The following DPP10 variants were observed in gnomAD, a reference collection of about 807,000 sequenced individuals.
DPP10 encodes dipeptidyl peptidase like 10, also known as inactive dipeptidyl peptidase 10.
In DPP10, 33 loss-of-function variants were observed where a neutral mutation model predicts 120.9. That is an observed-to-expected ratio of 0.27 (90% CI 0.21 to 0.37). The LOEUF (loss-of-function observed/expected upper bound fraction) is 0.37. Among genes scored for constraint, DPP10 ranks in the 10% least tolerant of loss-of-function variants. The pLI is 1.00. For synonymous variants in DPP10, 337 were observed against 326.1 expected, an observed-to-expected ratio of 1.03 and a Z score of -0.36; for missense variants, 816 against 942.8, an observed-to-expected ratio of 0.87 and a Z score of 1.76.
rs530278744 is a variant in DPP10, at chr2:115,246,352, A to G, written c.61-62887A>G. ...GAGCTTTCCACCAATGGAATTACCT[A>G]GGTGCTCTGGTACATGAAGACAAAC... On this transcript the variant is annotated intron_variant, in intron 1 of 25. Transcript: ENST00000410059. Among the ~76,000 whole-genome samples the G allele has an allele frequency of 7.2e-5, 11 of 152,274 alleles. No homozygotes were observed. The South Asian group carries it at 2.3e-3, about 32-fold the overall frequency.
At chr2:114,778,067 G>C (rs1257880587) in intron 1 of DPP10, among the ~76,000 whole-genome samples, 1 of 151,996 alleles carries the variant, frequency 6.6e-6, no homozygotes, top group Admixed American at 6.6e-5. Flanking sequence ...TCTTAAACAT[G>C]TCCAAGAAAG....
At chr2:115,681,262 A>G (rs193051155) in intron 5 of DPP10, among the ~76,000 whole-genome samples, 2 of 152,010 alleles carry the variant, frequency 1.3e-5, no homozygotes, top group East Asian at 1.9e-4. Flanking sequence ...AGAGTTTTTT[A>G]TGGTATATGG....
chr2:114,693,533 G>A (rs1314540717), intron 1 of DPP10, among the ~76,000 whole-genome samples: 3 of 151,740 alleles, frequency 2.0e-5, no homozygotes, highest in Non-Finnish European at 4.4e-5. Flanking sequence ...TTTCGATTTT[G>A]GAGAATCTGA....
At chr2:115,796,329 T>G (rs1382315339) in intron 19 of DPP10, among the ~76,000 whole-genome samples, 2 of 152,150 alleles carry the variant, frequency 1.3e-5, no homozygotes, top group African/African-American at 2.4e-5. Flanking sequence ...ATTACAACAT[T>G]TACTTTGCTT....
chr2:114,653,569 C>T (rs1340304271), intron 1 of DPP10, among the ~76,000 whole-genome samples: 2 of 152,122 alleles, frequency 1.3e-5, no homozygotes, highest in Non-Finnish European at 2.9e-5. Context: ...CCAGGCCCTC[C>T]TAAAAGTCAT....
At position 115,288,589 on chromosome 2, in the gene DPP10, G is replaced by T. The variant is rs190158645; in HGVS notation, c.61-20650G>T. On this transcript the variant is annotated intron_variant, in intron 1 of 25. Coordinates refer to ENST00000410059, the MANE Select transcript of DPP10 (RefSeq NM_020868.6). ...TATAAAAATTAGCCAGGCCTGGTTG[G>T]GGGGGAGCCTGTAATCCCAGCTACT... Among the ~76,000 whole-genome samples, 29 of 151,952 alleles carry T rather than the reference G, an allele frequency of 1.9e-4. No individual in the cohort carries two copies. In the East Asian group the frequency reaches 2.0e-3, roughly 10 times the overall value.
chr2:115,112,914 C>T (rs548739770), intron 1 of DPP10, among the ~76,000 whole-genome samples: 49 of 152,242 alleles, frequency 3.2e-4, no homozygotes, highest in Non-Finnish European at 6.2e-4. Context: ...CAGCCATATG[C>T]TTCCCCATTC....
intron 1 of DPP10, among the ~76,000 whole-genome samples, chr2:114,467,058 C>T (rs1386741548): frequency 6.8e-6 from 1 of 146,774 alleles, no homozygotes; most frequent in South Asian, 2.1e-4. Context: ...AAAAAGGAAA[C>T]CTTTAGTGAC....
chr2:115,271,394 T>C (rs1457680079), intron 1 of DPP10, among the ~76,000 whole-genome samples: 1 of 152,202 alleles, frequency 6.6e-6, no homozygotes, highest in African/African-American at 2.4e-5. Flanking sequence ...TAAGAGTAGA[T>C]TTTAAAGTCA....
At chr2:115,408,346 G>T (rs557245518) in intron 3 of DPP10, among the ~76,000 whole-genome samples, 3 of 152,154 alleles carry the variant, frequency 2.0e-5, no homozygotes, top group Admixed American at 6.5e-5. Context: ...AATCAGCTGG[G>T]AAAAGGGCAG....
chr2:115,414,537 A>G (rs2069215409), intron 3 of DPP10, among the ~76,000 whole-genome samples: 1 of 152,184 alleles, frequency 6.6e-6, no homozygotes, highest in Non-Finnish European at 1.5e-5. Context: ...TTTTATTTCT[A>G]CAGTGTATAT....
At chr2:115,501,670 G>A (rs2076690299) in intron 4 of DPP10, among the ~76,000 whole-genome samples, 1 of 152,008 alleles carries the variant, frequency 6.6e-6, no homozygotes, top group African/African-American at 2.4e-5. Context: ...GGGGTTAGGG[G>A]AGTGGAAGGT....
Position 115,665,032 on chromosome 2 carries a change from G to C in DPP10, c.442-24655G>C, listed in dbSNP as rs560296262. ...ATATCATTGAGGGAAGTTCTATTAAGAGTCCTGACCTAGCACTTACTTAAA... is the reference window on the plus strand; with the variant it reads ...ATATCATTGAGGGAAGTTCTATTAACAGTCCTGACCTAGCACTTACTTAAA... On this transcript the variant is annotated intron_variant, in intron 5 of 25. Transcript: ENST00000410059. Among the ~76,000 whole-genome samples the C allele has an allele frequency of 2.6e-5, 4 of 152,268 alleles. No homozygotes were observed. In the South Asian group the frequency reaches 6.2e-4, roughly 24 times the overall value.
Position 115,260,024 on chromosome 2 carries a change from CTAAT to C in DPP10, c.61-49214_61-49211del, listed in dbSNP as rs1450802399. On this transcript the variant is annotated intron_variant, in intron 1 of 25. Transcript: ENST00000410059. ...CTTTTAAAAATGATATGTTTAAAAA[CTAAT>C]AAATTTGAAAATTTATACAATTCAT... Among the ~76,000 whole-genome samples, 14 of 151,386 alleles carry C rather than the reference CTAAT, an allele frequency of 9.2e-5. No homozygotes were observed. The East Asian group carries it at 2.7e-3, about 29-fold the overall frequency.
chr2:115,731,735 G>A (rs1424633692), intron 8 of DPP10, among the ~76,000 whole-genome samples: 1 of 152,124 alleles, frequency 6.6e-6, no homozygotes, highest in Non-Finnish European at 1.5e-5. Context: ...GACCTAAATT[G>A]TCAGACTTCA....
At chr2:114,647,260 G>A (rs569962245) in intron 1 of DPP10, among the ~76,000 whole-genome samples, 1 of 152,140 alleles carries the variant, frequency 6.6e-6, no homozygotes, top group African/African-American at 2.4e-5. Flanking sequence ...GGTGTAGGGG[G>A]AGAAAGAATT....
intron 1 of DPP10, among the ~76,000 whole-genome samples, chr2:114,909,481 G>A (rs1410323148): frequency 6.6e-6 from 1 of 151,942 alleles, no homozygotes. Flanking sequence ...AGCCAAGTAG[G>A]ATAAGACTCC....
chr2:115,297,573 G>A lies in DPP10; in HGVS notation c.61-11666G>A, dbSNP rs566891507. 4.6e-5 allele frequency among the ~76,000 whole-genome samples: 7 copies of A among 152,100 alleles called. No individual in the cohort carries two copies. The South Asian group carries it at 1.2e-3, about 27-fold the overall frequency. The stretch of plus-strand genomic sequence containing the variant: ...ATTCATCTGTTTAATAAATATAAGT[G>A]GATGCGTGGTGCACCAAGAACTTAG... On this transcript the variant is annotated intron_variant, in intron 1 of 25. Transcript: ENST00000410059.
At chr2:115,287,007 A>G (rs759975748) in intron 1 of DPP10, among the ~76,000 whole-genome samples, 15 of 152,044 alleles carry the variant, frequency 9.9e-5, no homozygotes, top group Non-Finnish European at 2.1e-4. Context: ...AATATTCAAA[A>G]GGTGTACATT....
Sources: gnomAD v4.1 joint callset for allele counts (sites outside exome capture counted in the v4.1 genomes callset) on GRCh38, gnomAD v4.1.1 for gene constraint, MANE v1.5 for transcripts, NCBI Gene and HGNC (gene_info 2026-07-23, HGNC 2026-07-21) for gene names.